SDK1: variants seen among roughly 807,000 people sequenced by gnomAD.
The protein encoded by SDK1 is sidekick cell adhesion molecule 1, also known as protein sidekick-1.
A neutral mutation model predicts 245.5 loss-of-function variants in SDK1; 157 were observed. That is an observed-to-expected ratio of 0.64 (90% CI 0.56 to 0.73). SDK1 has a LOEUF of 0.73. Among genes scored for constraint, SDK1 ranks in the 30% least tolerant of loss-of-function variants. The pLI, the probability that SDK1 is intolerant of heterozygous loss-of-function variation, is 0.00. For missense variants in SDK1, 3,583 were observed against 3,002.3 expected, an observed-to-expected ratio of 1.19 and a Z score of -4.52; for synonymous variants, 1,647 against 1,278.5, an observed-to-expected ratio of 1.29 and a Z score of -6.15.
intron 17 of SDK1, among the ~76,000 whole-genome samples, chr7:4,035,880 G>A (rs7790866): frequency 0.31 from 47,702 of 151,994 alleles, 11,719 homozygotes; most frequent in African/African-American, 0.69. Context: ...AGTTAAAGAT[G>A]GGAAAATTTA....
intron 4 of SDK1, among the ~76,000 whole-genome samples, chr7:3,707,843 A>T (rs1784935262): frequency 1.3e-5 from 2 of 152,086 alleles, no homozygotes. Flanking sequence ...GTTGCTTTAA[A>T]GTCTGTTTTA....
At chr7:3,441,558 C>T (rs186044009) in intron 1 of SDK1, among the ~76,000 whole-genome samples, 4 of 151,846 alleles carry the variant, frequency 2.6e-5, no homozygotes, top group East Asian at 1.9e-4. Flanking sequence ...TGTTTTGTTC[C>T]GTTGATACAT....
chr7:3,430,798 C>A (rs562056938), intron 1 of SDK1, among the ~76,000 whole-genome samples: 2 of 152,332 alleles, frequency 1.3e-5, no homozygotes, highest in South Asian at 2.1e-4. Context: ...AGGGCCCATG[C>A]CTCCGGTGGA....
intron 5 of SDK1, among the ~76,000 whole-genome samples, chr7:3,909,730 CA>C (rs1779094250): frequency 6.6e-6 from 1 of 152,188 alleles, no homozygotes. Context: ...CAAAGAAGCT[CA>C]GGGATTAAAG....
chr7:3,880,754 C>G (rs958184311), intron 5 of SDK1, among the ~76,000 whole-genome samples: 3 of 152,022 alleles, frequency 2.0e-5, no homozygotes, highest in East Asian at 3.9e-4. Context: ...ACAAACCAGA[C>G]GGGCTGAGAG....
chr7:3,757,980 A>G (rs1354508973), intron 4 of SDK1, among the ~76,000 whole-genome samples: 1 of 152,120 alleles, frequency 6.6e-6, no homozygotes, highest in Non-Finnish European at 1.5e-5. Context: ...ATGAAATTCC[A>G]TACGTTTTAG....
intron 5 of SDK1, among the ~76,000 whole-genome samples, chr7:3,872,037 C>T (rs1046620188): frequency 5.3e-5 from 8 of 150,974 alleles, no homozygotes; most frequent in Middle Eastern, 3.4e-3. Flanking sequence ...TTTCTTGCAT[C>T]TATTGAGATG....
chr7:4,085,035 A>T (rs1175886160), intron 22 of SDK1, among the ~76,000 whole-genome samples: 3 of 152,132 alleles, frequency 2.0e-5, no homozygotes, highest in Non-Finnish European at 4.4e-5. Flanking sequence ...AAGTGCTGGG[A>T]TTACAGGTGT....
At chr7:3,731,992 G>A (rs188971048) in intron 4 of SDK1, among the ~76,000 whole-genome samples, 37 of 152,216 alleles carry the variant, frequency 2.4e-4, no homozygotes, top group African/African-American at 7.9e-4. Flanking sequence ...GGGTTTCACC[G>A]TGTTGGTCAG....
intron 32 of SDK1, among the ~76,000 whole-genome samples, chr7:4,169,803 C>T (rs1181311165): frequency 2.0e-5 from 3 of 152,216 alleles, no homozygotes; most frequent in Non-Finnish European, 4.4e-5. Context: ...ACTGCCCTCC[C>T]TCCCTGCGGG....
intron 4 of SDK1, among the ~76,000 whole-genome samples, chr7:3,695,348 T>C (rs1784541624): frequency 6.6e-6 from 1 of 152,226 alleles, no homozygotes; most frequent in Non-Finnish European, 1.5e-5. Flanking sequence ...ATGCTCATCG[T>C]AGTATACAAG....
chr7:3,318,183 T>C (rs1488936864), intron 1 of SDK1, among the ~76,000 whole-genome samples: 2 of 152,236 alleles, frequency 1.3e-5, no homozygotes, highest in Non-Finnish European at 2.9e-5. Context: ...AGAGATCATT[T>C]CATATTAGCA....
At chr7:4,261,101 C>G (rs898065691) in intron 44 of SDK1, among the ~76,000 whole-genome samples, 1 of 152,150 alleles carries the variant, frequency 6.6e-6, no homozygotes, top group Admixed American at 6.5e-5. Flanking sequence ...CCCCAAATCC[C>G]AGGAACCTCT....
chr7:3,988,565 C>T (rs1353102405), intron 14 of SDK1, among the ~76,000 whole-genome samples: 3 of 152,148 alleles, frequency 2.0e-5, no homozygotes, highest in African/African-American at 4.8e-5. Context: ...GGCTACTGTG[C>T]TCTTTCTCCA....
chr7:3,958,471 C>G (rs1296214059), intron 7 of SDK1, among the ~76,000 whole-genome samples: 2 of 152,114 alleles, frequency 1.3e-5, no homozygotes, highest in Non-Finnish European at 2.9e-5. Flanking sequence ...TATTAAATCT[C>G]TATTTTGGAG....
intron 14 of SDK1, among the ~76,000 whole-genome samples, chr7:4,010,597 C>G (rs967149564): frequency 6.6e-6 from 1 of 152,180 alleles, no homozygotes; most frequent in African/African-American, 2.4e-5. Flanking sequence ...GTGCAGCATC[C>G]TTTTCTGGGA....
At chr7:3,333,160 G>A (rs193190844) in intron 1 of SDK1, among the ~76,000 whole-genome samples, 3 of 152,298 alleles carry the variant, frequency 2.0e-5, no homozygotes, top group Admixed American at 2.0e-4. Flanking sequence ...GCTTCCTGTG[G>A]TTCTGTTGCT....
chr7:3,784,380 T>C (rs1780838310), intron 4 of SDK1, among the ~76,000 whole-genome samples: 1 of 152,066 alleles, frequency 6.6e-6, no homozygotes, highest in Admixed American at 6.5e-5. Context: ...CAACTCAAAA[T>C]GGATTAAAGT....
chr7:3,306,776 G>A (rs903942414), intron 1 of SDK1, among the ~76,000 whole-genome samples: 10 of 152,148 alleles, frequency 6.6e-5, no homozygotes, highest in African/African-American at 1.2e-4. Flanking sequence ...AGGATTTGGC[G>A]TCTAAGGTGG....
Sources: allele counts gnomAD v4.1 joint callset (sites outside exome capture counted in the v4.1 genomes callset), GRCh38; gene constraint gnomAD v4.1.1; transcripts MANE v1.5; gene names NCBI Gene and HGNC (gene_info 2026-07-23, HGNC 2026-07-21).